The following GNAI1 variants were observed in gnomAD, a reference collection of about 807,000 sequenced individuals.
The protein encoded by GNAI1 is G protein subunit alpha i1, also known as guanine nucleotide-binding protein G(i) subunit alpha-1.
Under a neutral mutation model 38.9 loss-of-function variants are expected in GNAI1, and 11 were observed. The observed-to-expected ratio is 0.28, with a 90% CI of 0.18 to 0.47. GNAI1 has a LOEUF of 0.47. GNAI1 is among the 20% of genes least tolerant of loss of function. GNAI1 has a pLI of 0.99. For synonymous variants in GNAI1, 166 were observed against 145.1 expected (o/e 1.14, Z -1.04); for missense variants, 317 against 436.9 (o/e 0.73, Z 2.45).
intron 1 of GNAI1, among the ~76,000 whole-genome samples, chr7:80,155,655 T>C (rs1222335598): frequency 1.3e-5 from 2 of 152,098 alleles, no homozygotes; most frequent in African/African-American, 4.8e-5. Flanking sequence ...GTGATTATAA[T>C]TGAAGTTTTG....
In GNAI1 at chr7:80,221,375, T is replaced by C. The variant is rs556056833; in HGVS notation, c.*3882T>C. Among the ~76,000 whole-genome samples, 7 of 152,342 alleles carry C rather than the reference T, an allele frequency of 4.6e-5. 2 individuals carry two copies. Among genetic ancestry groups the C allele is most frequent in the African/African-American group, 1.7e-4 (7 of 41,578 alleles). ...AAGCCGTCAATACAATTTGCTGTTATTTGATTATAAATAATAGTTTTAAGG... is the reference window on the plus strand; with the variant it reads ...AAGCCGTCAATACAATTTGCTGTTACTTGATTATAAATAATAGTTTTAAGG... On this transcript the variant is annotated 3_prime_UTR_variant, in exon 8 of 8. Coordinates refer to ENST00000649796, the MANE Select transcript of GNAI1 (RefSeq NM_002069.6).
rs894224296 is a variant in GNAI1, at chr7:80,158,038, C to T, written c.118+22760C>T. Among the ~76,000 whole-genome samples the T allele has an allele frequency of 2.0e-5, 3 of 152,048 alleles. No homozygotes were observed. In the South Asian group the frequency reaches 6.2e-4, roughly 31 times the overall value. On this transcript the variant is annotated intron_variant, in intron 1 of 7. Transcript: ENST00000649796. The stretch of plus-strand genomic sequence containing the variant: ...AGAATATTTTTATACGCTTATTTTC[C>T]ATCTGCATATCTTCTTTGGTGAGGT...
intron 5 of GNAI1, among the ~76,000 whole-genome samples, 189 bp from the exon 6 acceptor site, chr7:80,210,780 A>C (rs532424996): frequency 8.7e-5 from 13 of 150,062 alleles, no homozygotes; most frequent in Non-Finnish European, 1.9e-4. Flanking sequence ...AATTTTAAAA[A>C]CTAGCAGGTT....
chr7:80,200,345 A>C lies in GNAI1; in HGVS notation c.461+963A>C, dbSNP rs1056156356. Among the ~76,000 whole-genome samples, 52 of 150,748 alleles carry C rather than the reference A, an allele frequency of 3.4e-4. 2 individuals carry two copies. Among genetic ancestry groups the C allele is most frequent in the African/African-American group, 1.2e-3 (50 of 40,910 alleles). ...GTCTCAAAAAAAAAAAAAAAAAAAA[A>C]AACCTAATCAGGGAGCTTTCTGTTT... is the stretch of plus-strand genomic sequence containing the variant. On this transcript the variant is annotated intron_variant, in intron 4 of 7. Coordinates refer to ENST00000649796, the MANE Select transcript of GNAI1 (RefSeq NM_002069.6).
chr7:80,191,162 C>G (rs1788473203), intron 3 of GNAI1, among the ~76,000 whole-genome samples: 1 of 151,940 alleles, frequency 6.6e-6, no homozygotes. Flanking sequence ...TCATGTCCTC[C>G]CATTGCTTCT....
intron 4 of GNAI1, among the ~76,000 whole-genome samples, chr7:80,202,402 T>A (rs913702286): frequency 6.6e-6 from 1 of 152,196 alleles, no homozygotes; most frequent in Non-Finnish European, 1.5e-5. Context: ...GTAACGGTTT[T>A]AAGCAAAGAA....
chr7:80,149,540 A>G (rs1003417986), intron 1 of GNAI1, among the ~76,000 whole-genome samples: 1 of 152,084 alleles, frequency 6.6e-6, no homozygotes, highest in Non-Finnish European at 1.5e-5. Context: ...ATGGATAACA[A>G]TGGCTTCCCA....
intron 5 of GNAI1, among the ~76,000 whole-genome samples, chr7:80,209,821 G>A (rs1482155551): frequency 6.6e-6 from 1 of 152,016 alleles, no homozygotes; most frequent in South Asian, 2.1e-4. Flanking sequence ...TTGTTTGATC[G>A]TTATTACCAG....
At chr7:80,212,277 A>G (rs1178001480) in intron 6 of GNAI1, among the ~76,000 whole-genome samples, 2 of 152,160 alleles carry the variant, frequency 1.3e-5, no homozygotes, top group Non-Finnish European at 2.9e-5. Flanking sequence ...CAGTATTTAT[A>G]TTTATTATAA....
intron 1 of GNAI1, among the ~76,000 whole-genome samples, chr7:80,173,667 G>T (rs1033926560): frequency 2.0e-5 from 3 of 152,160 alleles, no homozygotes; most frequent in African/African-American, 7.2e-5. Context: ...TCGCATAGAT[G>T]TGATGTTCTG....
At chr7:80,172,379 C>A (rs1018062126) in intron 1 of GNAI1, among the ~76,000 whole-genome samples, 3 of 152,162 alleles carry the variant, frequency 2.0e-5, no homozygotes, top group African/African-American at 7.2e-5. Flanking sequence ...TGTTAATATG[C>A]AGAGGGAAGT....
intron 1 of GNAI1, among the ~76,000 whole-genome samples, chr7:80,167,464 A>C (rs28607672): frequency 0.033 from 4,965 of 152,268 alleles, 286 homozygotes; most frequent in African/African-American, 0.11. Context: ...GCCAGACCCG[A>C]TGCTCACTTT....
intron 1 of GNAI1, among the ~76,000 whole-genome samples, chr7:80,156,732 C>A (rs1787825132): frequency 6.6e-6 from 1 of 152,142 alleles, no homozygotes; most frequent in African/African-American, 2.4e-5. Context: ...CTGTGCCCAG[C>A]TAAAGGAGGG....
chr7:80,135,300 C>A, intron 1 of GNAI1, 22 bp downstream of exon 1: 5 of 1,353,508 alleles, frequency 3.7e-6, no homozygotes, highest in Non-Finnish European at 4.9e-6. Context: ...CGGGTCGGGG[C>A]CCGGGGGTCG....
Position 80,135,857 on chromosome 7 carries a change from A to G in GNAI1, c.118+579A>G, listed in dbSNP as rs1008973248. ...TAAGTGGTCAAGGAGCGCTGATTACATTCCCCCTGCGCTGAGAAAAGGCTG... is the reference window on the plus strand; with the variant it reads ...TAAGTGGTCAAGGAGCGCTGATTACGTTCCCCCTGCGCTGAGAAAAGGCTG... On this transcript the variant is annotated intron_variant, in intron 1 of 7. Transcript: ENST00000649796. The G allele has an allele frequency of 1.7e-5, 17 of 985,120 alleles. No individual in the cohort carries two copies. In the East Asian group the frequency reaches 1.6e-3, roughly 92 times the overall value. The allele number at this position is 985,120 out of a possible 1,614,324, so 61.0% of individuals were successfully genotyped here. A position where few individuals can be genotyped will look rare whatever the true frequency, so the allele number is the denominator to read the frequency against.
intron 5 of GNAI1, among the ~76,000 whole-genome samples, chr7:80,204,128 T>C (rs1293798694): frequency 6.6e-6 from 1 of 151,378 alleles, no homozygotes; most frequent in African/African-American, 2.4e-5. Flanking sequence ...AAAATTCTGC[T>C]CTAATATACT....
rs1202917138 is a variant in GNAI1 at position 80,219,699 on chromosome 7, A to G, written c.*2206A>G. 6.6e-6 allele frequency among the ~76,000 whole-genome samples: 1 copy of G among 152,144 alleles called. No individual in the cohort carries two copies. Among genetic ancestry groups the G allele is most frequent in the African/African-American group, 2.4e-5 (1 of 41,442 alleles). ...CCATTTTTCCTTACTAAGTACCATC[A>G]TCATTTATTCCTTCAATGGGGAACT... On this transcript the variant is annotated 3_prime_UTR_variant, in exon 8 of 8. Coordinates refer to ENST00000649796, the MANE Select transcript of GNAI1 (RefSeq NM_002069.6).
chr7:80,148,492 C>G (rs185810525), intron 1 of GNAI1, among the ~76,000 whole-genome samples: 2 of 150,114 alleles, frequency 1.3e-5, no homozygotes, highest in East Asian at 3.9e-4. Context: ...TATATGTCGA[C>G]GTTTATGTCC....
chr7:80,199,819 T>C (rs1466486114), intron 4 of GNAI1, among the ~76,000 whole-genome samples: 2 of 152,114 alleles, frequency 1.3e-5, no homozygotes, highest in Admixed American at 1.3e-4. Context: ...AAGTAGGGAT[T>C]TTTTGAAGGA....
Sources: gnomAD v4.1 joint callset for allele counts (sites outside exome capture counted in the v4.1 genomes callset) on GRCh38, gnomAD v4.1.1 for gene constraint, MANE v1.5 for transcripts, NCBI Gene and HGNC (gene_info 2026-07-23, HGNC 2026-07-21) for gene names.